The following TMC2 variants were observed in gnomAD, a reference collection of about 807,000 sequenced individuals.
The protein encoded by TMC2 is transmembrane channel like 2, also known as transmembrane channel-like protein 2.
A neutral mutation model predicts 105.9 loss-of-function variants in TMC2; 102 were observed. The ratio of observed to expected loss-of-function variants is 0.96; its 90% CI spans 0.82 to 1.14. TMC2 has a LOEUF of 1.14. TMC2 is among the 50% of genes most tolerant of loss of function. TMC2 has a pLI of 0.00. For missense variants in TMC2, 1,093 were observed against 1,134.3 expected (o/e 0.96, Z 0.52); for synonymous variants, 402 against 422.8 (o/e 0.95, Z 0.60).
At position 2,594,250 on chromosome 20, in the gene TMC2, CAG is replaced by C. The variant is rs113933868; in HGVS notation, c.934-572_934-571del. ...CTTTTTTTTTTTTTTTTTTTTGAGACAGAGTCTCCCTCTGTTGCCCAGGCTGG... is the reference window on the plus strand; with the variant it reads ...CTTTTTTTTTTTTTTTTTTTTGAGACAGTCTCCCTCTGTTGCCCAGGCTGG... On this transcript the variant is annotated intron_variant, in intron 8 of 19. Transcript: ENST00000358864. 1.8e-3 allele frequency among the ~76,000 whole-genome samples: 139 copies of C among 78,526 alleles called. 2 individuals are homozygous for C. The highest frequency in any genetic ancestry group is 5.4e-3 in the African/African-American group (134 of 24,654). 51.5% of individuals were successfully genotyped at this position (78,526 alleles called of 152,430 possible).
At chr20:2,636,129 AT>A in intron 18 of TMC2, 125 bp downstream of exon 18, 2 of 743,234 alleles carry the variant, frequency 2.7e-6, no homozygotes, top group Non-Finnish European at 4.8e-6. Context: ...ATCCCAAAAT[AT>A]CTGTATTATG....
chr20:2,537,440 C>A, intron 2 of TMC2, 124 bp downstream of exon 2: 1 of 826,618 alleles, frequency 1.2e-6, no homozygotes, highest in Non-Finnish European at 2.0e-6. Flanking sequence ...CAACACCCTG[C>A]ATGGAGCCTT....
intron 7 of TMC2, among the ~76,000 whole-genome samples, chr20:2,584,420 G>A (rs2086217804): frequency 6.8e-6 from 1 of 146,150 alleles, no homozygotes; most frequent in South Asian, 2.2e-4. Context: ...CTCCAGCCTG[G>A]GCGACAGAGC....
intron 7 of TMC2, among the ~76,000 whole-genome samples, chr20:2,585,647 A>G (rs1357952842): frequency 2.0e-5 from 3 of 152,166 alleles, no homozygotes; most frequent in Non-Finnish European, 4.4e-5. Context: ...AAGCTTACTC[A>G]CGTGGCTTCT....
intron 17 of TMC2, among the ~76,000 whole-genome samples, chr20:2,634,738 G>A (rs1285570236): frequency 6.6e-6 from 1 of 152,206 alleles, no homozygotes; most frequent in South Asian, 2.1e-4. Flanking sequence ...AAAAAAATGG[G>A]CTAATTAGGT....
intron 2 of TMC2, among the ~76,000 whole-genome samples, chr20:2,539,072 C>T (rs1490656931): frequency 1.3e-5 from 2 of 152,174 alleles, no homozygotes; most frequent in Non-Finnish European, 2.9e-5. Context: ...GGAGGGCTGC[C>T]GCAGCCTCTC....
intron 19 of TMC2, 35 bp from the exon 20 acceptor site, chr20:2,641,099 C>T: frequency 6.3e-7 from 1 of 1,590,916 alleles, no homozygotes; most frequent in South Asian, 1.1e-5. Flanking sequence ...ACAAAATCTC[C>T]CACTTCCTCT....
intron 11 of TMC2, among the ~76,000 whole-genome samples, chr20:2,605,072 G>A (rs1454367034): frequency 6.6e-6 from 1 of 152,198 alleles, no homozygotes; most frequent in Admixed American, 6.5e-5. Context: ...TCCAAAGTGG[G>A]GGCAGGCTTG....
rs749597527 is a variant in TMC2, at chr20:2,561,835, C to G, written c.402-23C>G. On this transcript the variant is annotated intron_variant, in intron 3 of 19. Coordinates refer to ENST00000358864, the MANE Select transcript of TMC2 (RefSeq NM_080751.3). ...CACCTCCTTTCCAACTTCCCTCTGC[C>G]TCCGCCCTGGCTCTGCCTCCAGGTC... 4.4e-6 allele frequency: 7 copies of G among 1,606,468 alleles called. No homozygotes were observed. The East Asian group carries it at 1.6e-4, about 36-fold the overall frequency.
At chr20:2,559,228 T>A (rs2086008149) in intron 3 of TMC2, among the ~76,000 whole-genome samples, 1 of 152,200 alleles carries the variant, frequency 6.6e-6, no homozygotes, top group Admixed American at 6.5e-5. Context: ...CGTTCCGGCT[T>A]CCGGATCTGG....
At chr20:2,638,112 C>T (rs1314144551) in intron 19 of TMC2, among the ~76,000 whole-genome samples, 1 of 152,158 alleles carries the variant, frequency 6.6e-6, no homozygotes, top group Non-Finnish European at 1.5e-5. Flanking sequence ...GAGGCCGACG[C>T]GGGCGGATCA....
chr20:2,595,627 G>C (rs549519736), intron 9 of TMC2, among the ~76,000 whole-genome samples: 8 of 152,054 alleles, frequency 5.3e-5, no homozygotes, highest in Non-Finnish European at 1.0e-4. Context: ...TGGATTGATC[G>C]CCTTCTTCAG....
chr20:2,594,167 G>T (rs950737572), intron 8 of TMC2, among the ~76,000 whole-genome samples: 2 of 150,846 alleles, frequency 1.3e-5, no homozygotes, highest in Non-Finnish European at 3.0e-5. Flanking sequence ...TCAGATTGGA[G>T]ACCCTTCAGA....
rs991967571 is a variant in TMC2, at chr20:2,612,419, G to A, written c.1743+79G>A. 9 of 1,341,570 alleles carry A rather than the reference G, an allele frequency of 6.7e-6. No homozygotes were observed. In the African/African-American group the frequency reaches 1.3e-4, roughly 20 times the overall value. The allele number at this position is 1,341,570 out of a possible 1,614,324, so 83.1% of individuals were successfully genotyped here. On this transcript the variant is annotated intron_variant, in intron 13 of 19. Coordinates refer to ENST00000358864, the MANE Select transcript of TMC2 (RefSeq NM_080751.3). The stretch of plus-strand genomic sequence containing the variant: ...TCCCTCCTTGATGTTTCCATTTGAG[G>A]AATAACCCTGAAAACTTACCAGCTG...
At chr20:2,539,739 G>A (rs902032885) in intron 2 of TMC2, among the ~76,000 whole-genome samples, 2 of 152,134 alleles carry the variant, frequency 1.3e-5, no homozygotes, top group East Asian at 1.9e-4. Flanking sequence ...AGAGCATTGC[G>A]CTGGAGCATT....
At chr20:2,552,898 G>A (rs183831310) in intron 2 of TMC2, among the ~76,000 whole-genome samples, 121 of 152,238 alleles carry the variant, frequency 7.9e-4, no homozygotes, top group Non-Finnish European at 1.3e-4. Flanking sequence ...TGGCGTATAG[G>A]AGTAATTGAC....
chr20:2,572,289 T>G lies in TMC2; in HGVS notation c.645+20T>G. 6.3e-7 allele frequency: 1 copy of G among 1,586,550 alleles called. No individual in the cohort carries two copies. The highest frequency in any genetic ancestry group is 8.7e-7 in the Non-Finnish European group (1 of 1,155,796). On this transcript the variant is annotated intron_variant, in intron 5 of 19. Coordinates refer to ENST00000358864, the MANE Select transcript of TMC2 (RefSeq NM_080751.3). ...GCCAAGGTGTGTGGGGTGGGGGCAG[T>G]GAATCTGTTGGGAGGGCTTGCTCAG...
chr20:2,540,668 A>G (rs2085883868), intron 2 of TMC2, among the ~76,000 whole-genome samples: 1 of 151,526 alleles, frequency 6.6e-6, no homozygotes, highest in Non-Finnish European at 1.5e-5. Flanking sequence ...AAAAAAAAAA[A>G]AAAAAGACAT....
chr20:2,558,437 C>T lies in TMC2; in HGVS notation c.83-19C>T, dbSNP rs1043824110. ...TGAGGCCGTTGGAACCAGAACTGTC[C>T]ATTTTCCCGCCCCGGCAGGTGACAG... On this transcript the variant is annotated intron_variant, in intron 2 of 19. Coordinates refer to ENST00000358864, the MANE Select transcript of TMC2 (RefSeq NM_080751.3). The surrounding 1 kb of genome is among the most constrained non-coding windows in gnomAD (Gnocchi z 4.6). 2 of 1,551,528 alleles carry T rather than the reference C, an allele frequency of 1.3e-6. No individual in the cohort carries two copies. Among genetic ancestry groups the T allele is most frequent in the Non-Finnish European group, 1.7e-6 (2 of 1,147,376 alleles).
Sources: gnomAD v4.1 joint callset for allele counts (sites outside exome capture counted in the v4.1 genomes callset) on GRCh38, gnomAD v4.1.1 for gene constraint, Gnocchi (gnomAD v3.1) non-coding constraint, MANE v1.5 for transcripts, NCBI Gene and HGNC (gene_info 2026-07-23, HGNC 2026-07-21) for gene names.